Variants in PLB1 observed in about 807,000 individuals in gnomAD.
The protein encoded by PLB1 is phospholipase B1, membrane-associated.
Under a neutral mutation model 227.4 loss-of-function variants are expected in PLB1, and 242 were observed. The observed-to-expected ratio is 1.06, with a 90% CI of 0.96 to 1.18. PLB1 has a LOEUF of 1.18. Among genes scored for constraint, PLB1 ranks in the 50% most tolerant of loss-of-function variants. PLB1 has a pLI of 0.00. For synonymous variants in PLB1, 757 were observed against 682.2 expected, an observed-to-expected ratio of 1.11 and a Z score of -1.71; for missense variants, 1,858 against 1,816.3, an observed-to-expected ratio of 1.02 and a Z score of -0.42.
At chr2:28,571,956 A>G (rs978451627) in intron 20 of PLB1, among the ~76,000 whole-genome samples, 3 of 152,370 alleles carry the variant, frequency 2.0e-5, no homozygotes, top group Middle Eastern at 3.4e-3. Context: ...AAAGGATGTC[A>G]TATCATATAT....
chr2:28,555,683 C>T (rs1674966512), intron 17 of PLB1, among the ~76,000 whole-genome samples: 2 of 152,026 alleles, frequency 1.3e-5, no homozygotes, highest in Admixed American at 1.3e-4. Context: ...GGTAGAAGCC[C>T]AATAAATATT....
rs557364569 is a variant in PLB1 at position 28,628,926 on chromosome 2, G to A, written c.3727-168G>A. The stretch of plus-strand genomic sequence containing the variant: ...TCTCAGTTTCTCAACCTATAAAGCG[G>A]GGCCACTCAAGAAGATTCAGTGAGA... On this transcript the variant is annotated intron_variant, in intron 52 of 57. Transcript: ENST00000327757. Among the ~76,000 whole-genome samples the A allele has an allele frequency of 2.6e-4, 39 of 152,276 alleles. 1 individual carries two copies. Among genetic ancestry groups the A allele is most frequent in the Admixed American group, 1.4e-3 (22 of 15,300 alleles).
At position 28,562,540 on chromosome 2, in the gene PLB1, C is replaced by CAAAA. The variant is rs60393903; in HGVS notation, c.1148-485_1148-482dup. On this transcript the variant is annotated intron_variant, in intron 17 of 57. Coordinates refer to ENST00000327757, the MANE Select transcript of PLB1 (RefSeq NM_153021.5). ...CTGGAGACAGAGCAAGACTCTGTCT[C>CAAAA]AAAAAAAAAAAAAAAAAAAGTCAGT... Among the ~76,000 whole-genome samples the CAAAA allele has an allele frequency of 2.3e-4, 10 of 42,606 alleles. 2 individuals are homozygous for CAAAA. The South Asian group carries it at 4.0e-3, about 17-fold the overall frequency. The allele number at this position is 42,606 out of a possible 152,430, so 28.0% of individuals were successfully genotyped here.
At position 28,605,886 on chromosome 2, in the gene PLB1, G is replaced by C. The variant is rs1373111308; in HGVS notation, c.2995G>C (p.Asp999His). The C allele has an allele frequency of 6.2e-7, 1 of 1,613,922 alleles. No homozygotes were observed. Among genetic ancestry groups the C allele is most frequent in the Non-Finnish European group, 8.5e-7 (1 of 1,179,854 alleles). ...GLPDTSFFAP[D>H]CIHPNQKFHS... ...CCCAGATACGTCCTTCTTTGCCCCAGACTGCATCCACCCAAATCAGAAATT... is the reference window on the plus strand; with the variant it reads ...CCCAGATACGTCCTTCTTTGCCCCACACTGCATCCACCCAAATCAGAAATT... Residue 999 changes from aspartate (D) to histidine (H), a missense_variant, in exon 42 of 58, where the codon GAC becomes CAC. Asp to His is a moderately conservative substitution (Grantham distance 81). Transcript: ENST00000327757.
At chr2:28,607,127 G>A (rs185544999) in intron 43 of PLB1, among the ~76,000 whole-genome samples, 6 of 152,176 alleles carry the variant, frequency 3.9e-5, no homozygotes, top group South Asian at 2.1e-4. Context: ...GGAGGAATCC[G>A]TAAGTGGTTG....
intron 22 of PLB1, among the ~76,000 whole-genome samples, chr2:28,578,569 G>T (rs1168093141): frequency 6.6e-6 from 1 of 152,104 alleles, no homozygotes. Context: ...GATTTTGGCT[G>T]TTATTCTGGG....
intron 43 of PLB1, among the ~76,000 whole-genome samples, chr2:28,606,942 C>T (rs1385756776): frequency 6.6e-6 from 1 of 152,108 alleles, no homozygotes; most frequent in African/African-American, 2.4e-5. Context: ...TTAGAGGGCC[C>T]AGGCAGGAGC....
intron 4 of PLB1, among the ~76,000 whole-genome samples, chr2:28,521,133 T>C (rs1669477260): frequency 1.3e-5 from 2 of 152,310 alleles, no homozygotes; most frequent in South Asian, 4.1e-4. Context: ...GAATGCTCTT[T>C]CCTTGTATAT....
At chr2:28,591,008 G>C (rs1309421188) in intron 29 of PLB1, 125 bp from the exon 30 acceptor site, 2 of 1,192,676 alleles carry the variant, frequency 1.7e-6, no homozygotes, top group Non-Finnish European at 2.5e-6. Flanking sequence ...CCTGGTAGAG[G>C]CTGGGCTTGG....
chr2:28,636,867 G>C (rs185096783), intron 56 of PLB1, among the ~76,000 whole-genome samples: 2 of 152,332 alleles, frequency 1.3e-5, no homozygotes, highest in South Asian at 2.1e-4. Flanking sequence ...CCTGGAAGAA[G>C]GTGGAAAGGG....
intron 44 of PLB1, among the ~76,000 whole-genome samples, chr2:28,615,423 TG>T (rs1408984509): frequency 6.6e-6 from 1 of 152,174 alleles, no homozygotes; most frequent in Non-Finnish European, 1.5e-5. Context: ...ATGTGTAGAA[TG>T]GGTTGGCCAT....
At chr2:28,608,895 T>C (rs749396862) in intron 43 of PLB1, among the ~76,000 whole-genome samples, 3 of 151,526 alleles carry the variant, frequency 2.0e-5, no homozygotes, top group Non-Finnish European at 4.4e-5. Flanking sequence ...AATTTTCATG[T>C]CTCCATTCTA....
At chr2:28,577,609 G>A (rs775036786) in intron 21 of PLB1, among the ~76,000 whole-genome samples, 13 of 152,200 alleles carry the variant, frequency 8.5e-5, no homozygotes, top group Non-Finnish European at 1.5e-4. Flanking sequence ...TTGGGAGGCC[G>A]AGGCAGATGG....
intron 17 of PLB1, among the ~76,000 whole-genome samples, chr2:28,562,269 C>T (rs115731737): frequency 0.027 from 4,143 of 152,158 alleles, 96 homozygotes; most frequent in Middle Eastern, 0.072. Flanking sequence ...GTCGGCCGGG[C>T]GCGTTGGCTC....
At chr2:28,626,762 G>C (rs574166169) in intron 51 of PLB1, among the ~76,000 whole-genome samples, 2 of 152,306 alleles carry the variant, frequency 1.3e-5, no homozygotes, top group South Asian at 4.1e-4. Flanking sequence ...ACCCACTGTA[G>C]GCACTGCTGA....
At chr2:28,508,962 G>A (rs1667930632) in intron 1 of PLB1, among the ~76,000 whole-genome samples, 1 of 152,194 alleles carries the variant, frequency 6.6e-6, no homozygotes, top group African/African-American at 2.4e-5. Flanking sequence ...AGGGAGACAA[G>A]TCACCTCTTC....
chr2:28,589,641 T>TGTAGAAAA, intron 27 of PLB1, 34 bp from the exon 28 acceptor site: 1 of 1,609,610 alleles, frequency 6.2e-7, no homozygotes, highest in Non-Finnish European at 8.5e-7. Context: ...CCAGTGTGTC[T>TGTAGAAAA]ATAACTGCCT....
chr2:28,567,017 G>A (rs12714237), intron 20 of PLB1, among the ~76,000 whole-genome samples, 178 bp downstream of exon 20: 49,879 of 145,956 alleles, frequency 0.34, 8,905 homozygotes, highest in Middle Eastern at 0.57. Flanking sequence ...AGTGACGAAA[G>A]CCTTAGAGTT....
intron 43 of PLB1, among the ~76,000 whole-genome samples, chr2:28,607,127 G>C (rs185544999): frequency 6.6e-6 from 1 of 152,294 alleles, no homozygotes; most frequent in Admixed American, 6.5e-5. Context: ...GGAGGAATCC[G>C]TAAGTGGTTG....
Sources: allele counts gnomAD v4.1 joint callset (sites outside exome capture counted in the v4.1 genomes callset), GRCh38; gene constraint gnomAD v4.1.1; transcripts MANE v1.5; gene names NCBI Gene and HGNC (gene_info 2026-07-23, HGNC 2026-07-21).